Variants in NEK7 observed in about 807,000 individuals in gnomAD.
The protein encoded by NEK7 is serine/threonine-protein kinase Nek7.
NEK7 carries 18 observed loss-of-function variants against 44.6 expected under a neutral mutation model. The ratio of observed to expected loss-of-function variants is 0.40; its 90% CI spans 0.28 to 0.60. The LOEUF is 0.60. NEK7 is among the 20% of genes least tolerant of loss of function. NEK7 has a pLI of 0.38. For synonymous variants in NEK7, 130 were observed against 121.1 expected, an observed-to-expected ratio of 1.07 and a Z score of -0.48; for missense variants, 256 against 366.5, an observed-to-expected ratio of 0.70 and a Z score of 2.46.
At chr1:198,317,359 T>A (rs16829983) in intron 9 of NEK7, among the ~76,000 whole-genome samples, 12,554 of 152,260 alleles carry the variant, frequency 0.082, 686 homozygotes, top group East Asian at 0.17. Flanking sequence ...TTTAGAAGCA[T>A]CTGCTCACTG....
chr1:198,318,244 A>G (rs957273309), intron 9 of NEK7, among the ~76,000 whole-genome samples: 3 of 152,122 alleles, frequency 2.0e-5, no homozygotes, highest in Non-Finnish European at 4.4e-5. Context: ...TGACTTACCC[A>G]AGGGCACAGA....
In NEK7 at chr1:198,210,741, C is replaced by CTTTTTTTTTTTTT. The variant is rs140181207; in HGVS notation, c.-28-21795_-28-21783dup. ...GTCATTGTCCCTTCAATTTGTATTT[C>CTTTTTTTTTTTTT]TTTTTTTTTTTTTTTTTTTTTTTTT... On this transcript the variant is annotated intron_variant, in intron 1 of 9. Coordinates refer to ENST00000367385, the MANE Select transcript of NEK7 (RefSeq NM_133494.3). Among the ~76,000 whole-genome samples the CTTTTTTTTTTTTT allele has an allele frequency of 3.1e-4, 18 of 57,536 alleles. 2 individuals are homozygous for CTTTTTTTTTTTTT. Among genetic ancestry groups the CTTTTTTTTTTTTT allele is most frequent in the East Asian group, 1.2e-3 (2 of 1,624 alleles). 37.7% of individuals were successfully genotyped at this position (57,536 alleles called of 152,430 possible).
At chr1:198,274,192 A>G (rs1571595181) in intron 5 of NEK7, among the ~76,000 whole-genome samples, 1 of 124,072 alleles carries the variant, frequency 8.1e-6, no homozygotes, top group African/African-American at 3.7e-5. Flanking sequence ...ATTTCTCATC[A>G]TTTAATTAAC....
chr1:198,292,610 T>A (rs938891762), intron 7 of NEK7, among the ~76,000 whole-genome samples: 2 of 151,930 alleles, frequency 1.3e-5, no homozygotes, highest in South Asian at 2.1e-4. Context: ...CATATTTTTT[T>A]AAAAAAATAA....
At chr1:198,313,750 G>A (rs1402535526) in intron 9 of NEK7, among the ~76,000 whole-genome samples, 1 of 104,638 alleles carries the variant, frequency 9.6e-6, no homozygotes, top group African/African-American at 5.3e-5. Context: ...TTTTCTTTAA[G>A]AATGTTGAAT....
In NEK7 at chr1:198,237,736, C is replaced by T. The variant is rs543066110; in HGVS notation, c.57+5099C>T. On this transcript the variant is annotated intron_variant, in intron 2 of 9. Transcript: ENST00000367385. ...ATTCCCAATACAGCAATATTTCAGT[C>T]AGTCACGTCTGTTTAAAGCCTTTCA... 2.6e-5 allele frequency among the ~76,000 whole-genome samples: 4 copies of T among 152,272 alleles called. No homozygotes were observed. In the East Asian group the frequency reaches 5.8e-4, roughly 22 times the overall value.
intron 1 of NEK7, among the ~76,000 whole-genome samples, chr1:198,167,132 G>A (rs990581918): frequency 2.0e-5 from 3 of 152,162 alleles, no homozygotes; most frequent in African/African-American, 7.2e-5. Flanking sequence ...TCTGGTATTG[G>A]CAGCAATCCT....
At chr1:198,310,777 T>A (rs1655158462) in intron 9 of NEK7, among the ~76,000 whole-genome samples, 1 of 152,182 alleles carries the variant, frequency 6.6e-6, no homozygotes, top group South Asian at 2.1e-4. Flanking sequence ...CTGAGGGCTC[T>A]GTTCTGTTCC....
Position 198,322,041 on chromosome 1 carries a change from T to C in NEK7, c.*2519T>C, listed in dbSNP as rs958569510. ...AAAGTGCTCAACAATGTGCAATGAT[T>C]GTAAATTTAGTAAGATATTACAGCC... is the stretch of plus-strand genomic sequence containing the variant. On this transcript the variant is annotated 3_prime_UTR_variant, in exon 10 of 10. Transcript: ENST00000367385. The C allele has an allele frequency of 2.0e-5, 3 of 152,160 alleles. No individual in the cohort carries two copies. The highest frequency in any genetic ancestry group is 4.4e-5 in the Non-Finnish European group (3 of 67,984). The allele number at this position is 152,160 out of a possible 1,614,324, so 9.4% of individuals were successfully genotyped here.
rs116180579 is a variant in NEK7, at chr1:198,159,709, G to A, written c.-29+2433G>A. The stretch of plus-strand genomic sequence containing the variant: ...TGCTTTCCCCCTTTCATATTTTCCT[G>A]TCTGGACAATTTCGAGTTCATTTCC... On this transcript the variant is annotated intron_variant, in intron 1 of 9. Coordinates refer to ENST00000367385, the MANE Select transcript of NEK7 (RefSeq NM_133494.3). 6.6e-5 allele frequency among the ~76,000 whole-genome samples: 10 copies of A among 152,102 alleles called. No individual in the cohort carries two copies. The East Asian group carries it at 1.7e-3, about 26-fold the overall frequency.
intron 1 of NEK7, among the ~76,000 whole-genome samples, chr1:198,190,793 T>A (rs777338410): frequency 1.1e-4 from 17 of 152,022 alleles, no homozygotes; most frequent in Middle Eastern, 6.8e-3. Flanking sequence ...AGGATGATAA[T>A]TTTTTTTGTT....
intron 1 of NEK7, among the ~76,000 whole-genome samples, chr1:198,173,534 T>C (rs1664513188): frequency 6.6e-6 from 1 of 152,044 alleles, no homozygotes; most frequent in Admixed American, 6.6e-5. Flanking sequence ...CTGACTTAAG[T>C]ATAATATGTG....
chr1:198,293,604 G>A (rs193068449), intron 8 of NEK7, among the ~76,000 whole-genome samples: 159 of 151,968 alleles, frequency 1.0e-3, no homozygotes, highest in African/African-American at 3.5e-3. Context: ...AATCATGTAG[G>A]TAGGTCCTCT....
chr1:198,181,775 A>G (rs1664775270), intron 1 of NEK7, among the ~76,000 whole-genome samples: 1 of 152,148 alleles, frequency 6.6e-6, no homozygotes, highest in Non-Finnish European at 1.5e-5. Context: ...TATTTGAAAA[A>G]TTTCACTGGA....
At position 198,220,528 on chromosome 1, in the gene NEK7, G is replaced by GAA. The variant is rs1233987468; in HGVS notation, c.-28-12023_-28-12022dup. Reference sequence around the variant, plus strand: ...TTAAAAACTCATTCATCATAACACAGAAATGTTAAGAATGAACTATCAACT... The same window carrying GAA: ...TTAAAAACTCATTCATCATAACACAGAAAAATGTTAAGAATGAACTATCAACT... On this transcript the variant is annotated intron_variant, in intron 1 of 9. Coordinates refer to ENST00000367385, the MANE Select transcript of NEK7 (RefSeq NM_133494.3). Among the ~76,000 whole-genome samples the GAA allele has an allele frequency of 5.3e-5, 8 of 152,168 alleles. 1 individual carries two copies. The highest frequency in any genetic ancestry group is 7.4e-5 in the Non-Finnish European group (5 of 67,930).
At chr1:198,192,495 T>A (rs1461977820) in intron 1 of NEK7, among the ~76,000 whole-genome samples, 1 of 152,066 alleles carries the variant, frequency 6.6e-6, no homozygotes, top group Non-Finnish European at 1.5e-5. Flanking sequence ...GTTTCTTTGG[T>A]AGGGACCAGG....
intron 9 of NEK7, among the ~76,000 whole-genome samples, chr1:198,314,689 G>T (rs1655296199): frequency 6.6e-6 from 1 of 152,114 alleles, no homozygotes; most frequent in African/African-American, 2.4e-5. Flanking sequence ...TGAGTACCCG[G>T]CCGTGTGAGG....
chr1:198,196,475 C>T (rs771886384), intron 1 of NEK7, among the ~76,000 whole-genome samples: 20 of 152,146 alleles, frequency 1.3e-4, no homozygotes, highest in Non-Finnish European at 2.4e-4. Flanking sequence ...AGCTGTGTGA[C>T]GTATCTGTTA....
At chr1:198,238,000 T>G (rs981696178) in intron 2 of NEK7, among the ~76,000 whole-genome samples, 1 of 152,216 alleles carries the variant, frequency 6.6e-6, no homozygotes, top group Non-Finnish European at 1.5e-5. Flanking sequence ...AATAAATATT[T>G]GTTGAGTGAA....
Sources: gnomAD v4.1 joint callset for allele counts (sites outside exome capture counted in the v4.1 genomes callset) on GRCh38, gnomAD v4.1.1 for gene constraint, MANE v1.5 for transcripts, NCBI Gene and HGNC (gene_info 2026-07-23, HGNC 2026-07-21) for gene names.